Variants in TRIM25 observed in about 807,000 individuals in gnomAD.
The protein encoded by TRIM25 is E3 ubiquitin/ISG15 ligase TRIM25.
A neutral mutation model predicts 65.2 loss-of-function variants in TRIM25; 45 were observed. That is an observed-to-expected ratio of 0.69 (90% CI 0.54 to 0.89). The LOEUF (loss-of-function observed/expected upper bound fraction) is 0.89. TRIM25 is among the 40% of genes least tolerant of loss of function. TRIM25 has a pLI of 0.00. For synonymous variants in TRIM25, 321 were observed against 340.4 expected (o/e 0.94, Z 0.63); for missense variants, 714 against 803.7 (o/e 0.89, Z 1.35).
chr17:56,900,042 T>C (rs967332479), intron 4 of TRIM25, among the ~76,000 whole-genome samples: 2 of 152,160 alleles, frequency 1.3e-5, no homozygotes, highest in South Asian at 2.1e-4. Context: ...AGTGAAACCA[T>C]GTCTCTATTA....
chr17:56,894,668 T>A (rs750099684), intron 8 of TRIM25, among the ~76,000 whole-genome samples: 8 of 152,160 alleles, frequency 5.3e-5, no homozygotes, highest in Non-Finnish European at 8.8e-5. Context: ...GTGCTACAGA[T>A]AGGCAAGCCT....
chr17:56,913,899 GT>G lies in TRIM25; in HGVS notation c.89del (p.His30ProfsTer8). 6.4e-7 allele frequency: 1 copy of G among 1,567,636 alleles called. No homozygotes were observed. The highest frequency in any genetic ancestry group is 8.6e-7 in the Non-Finnish European group (1 of 1,156,636). On this transcript the variant is annotated frameshift_variant, in exon 1 of 9. Coordinates refer to ENST00000316881, the MANE Select transcript of TRIM25 (RefSeq NM_005082.5). LOFTEE classifies it high-confidence loss of function. This position sits in a 1 kb window ranked among gnomAD's most constrained non-coding sequence, Gnocchi z 6.1. Reference protein sequence around the residue: ...FKEPVTTPCGHNFCGSCLNET... With the variant: ...FKEPVTTPCGXNFCGSCLNET... Reference sequence around the variant, plus strand: ...CATTCAGGCACGACCCGCAGAAGTTGTGGCCGCACGGAGTGGTGACCGGCTC... The same window carrying G: ...CATTCAGGCACGACCCGCAGAAGTTGGGCCGCACGGAGTGGTGACCGGCTC...
chr17:56,911,286 A>AAT (rs1555606307), intron 1 of TRIM25, among the ~76,000 whole-genome samples: 1 of 151,658 alleles, frequency 6.6e-6, no homozygotes, highest in Non-Finnish European at 1.5e-5. Context: ...AAGATTAAAA[A>AAT]ATATATATAT....
intron 2 of TRIM25, 77 bp from the exon 3 acceptor site, chr17:56,904,565 T>C (rs2144358934): frequency 1.5e-6 from 2 of 1,344,766 alleles, no homozygotes; most frequent in East Asian, 2.3e-5. Flanking sequence ...ATGGGTGAGA[T>C]GTGGAGTTCC....
chr17:56,908,759 T>C (rs1231518695), intron 1 of TRIM25, 196 bp from the exon 2 acceptor site: 2 of 587,858 alleles, frequency 3.4e-6, no homozygotes, highest in African/African-American at 1.9e-5. Context: ...CTTCCCTTCA[T>C]CCTTTTCAGA....
chr17:56,897,502 C>T (rs1909318021), intron 5 of TRIM25, among the ~76,000 whole-genome samples: 1 of 152,126 alleles, frequency 6.6e-6, no homozygotes, highest in Non-Finnish European at 1.5e-5. Context: ...CCACCCACTC[C>T]CTGTGGACCA....
Position 56,901,585 on chromosome 17 carries a change from C to T in TRIM25, c.928-7G>A. On this transcript the variant is annotated splice_region_variant and splice_polypyrimidine_tract_variant and intron_variant, in intron 3 of 8. Coordinates refer to ENST00000316881, the MANE Select transcript of TRIM25 (RefSeq NM_005082.5). ...CTCGCAGTTTTGATGCTTTCTGGAA[C>T]ATGCCAGGGGGTTAGTGCAGGCAGC... The T allele has an allele frequency of 6.2e-7, 1 of 1,614,072 alleles. No individual in the cohort carries two copies. The highest frequency in any genetic ancestry group is 2.2e-5 in the East Asian group (1 of 44,882).
intron 3 of TRIM25, 43 bp from the exon 4 acceptor site, chr17:56,901,621 C>T (rs762578508): frequency 5.0e-5 from 81 of 1,610,086 alleles, no homozygotes; most frequent in Non-Finnish European, 1.5e-5. Context: ...TCTGGTGAAA[C>T]GGGGACCTGG....
In TRIM25 at chr17:56,891,866, C is replaced by G. The variant is rs760096757; in HGVS notation, c.1727G>C (p.Arg576Pro). Residue 576 changes from arginine to proline, a missense_variant, in exon 9 of 9, where the codon CGG becomes CCG. Physicochemically the swap from Arg to Pro is moderately radical, Grantham distance 103. This residue lies in a region of TRIM25 where 413 missense variants were observed against 498.2 expected (regional missense o/e 0.83). Transcript: ENST00000316881. Reference sequence around the variant, plus strand: ...GTCACAGTTGAGAAGCACGCCCACCCGCGTGGCCTTGGTGGAGGGCAGGGT... The same window carrying G: ...GTCACAGTTGAGAAGCACGCCCACCGGCGTGGCCTTGGTGGAGGGCAGGGT... ...EKTLPSTKAT[R>P]VGVLLNCDHG... is the part of the protein sequence containing the mutation. 1 of 1,614,240 alleles carries G rather than the reference C, an allele frequency of 6.2e-7. No homozygotes were observed. The highest frequency in any genetic ancestry group is 8.5e-7 in the Non-Finnish European group (1 of 1,180,044).
chr17:56,892,756 G>T (rs556234864), intron 8 of TRIM25, among the ~76,000 whole-genome samples: 2 of 152,104 alleles, frequency 1.3e-5, no homozygotes, highest in Non-Finnish European at 2.9e-5. Flanking sequence ...CATTTACCAG[G>T]CACCTGACTG....
chr17:56,894,890 T>C (rs556472180), intron 8 of TRIM25, among the ~76,000 whole-genome samples: 198 of 152,240 alleles, frequency 1.3e-3, no homozygotes, highest in African/African-American at 4.6e-3. Context: ...GTCTTTTTCG[T>C]GAAGCAGAAG....
chr17:56,891,991 G>A lies in TRIM25; in HGVS notation c.1602C>T (p.Asn534=), dbSNP rs539288584. 10 of 1,614,174 alleles carry A rather than the reference G, an allele frequency of 6.2e-6. No individual in the cohort carries two copies. The highest frequency in any genetic ancestry group is 5.5e-5 in the South Asian group (5 of 91,086). Residue 534 remains asparagine, a synonymous_variant, in exon 9 of 9, where the codon AAC becomes AAT. Transcript: ENST00000316881. ...CGAGCCTGCTTTCTGGGCCCTGCCG[G>A]TTCATGCTTCCGTAGCAGATGCCTA... ...CGVGICYGSM[N]RQGPESRLGR...
chr17:56,897,984 G>A (rs1909326880), intron 5 of TRIM25, among the ~76,000 whole-genome samples: 1 of 152,186 alleles, frequency 6.6e-6, no homozygotes, highest in Non-Finnish European at 1.5e-5. Flanking sequence ...TGAACACTAA[G>A]CACAAGCAAC....
At position 56,892,228 on chromosome 17, in the gene TRIM25, A is replaced by G. The variant is rs1172504950; in HGVS notation, c.1365T>C (p.Tyr455=). Residue 455 remains tyrosine, a splice_region_variant and synonymous_variant, in exon 9 of 9, where the codon TAT becomes TAC. Transcript: ENST00000316881. ...TGTAGTCCAGGATGACTTTAATGTA[A>G]TCTGAGAAAACATCACCCCAAGGAA... The part of the protein sequence containing the change: ...LAKSRPELLE[Y]YIKVILDYNT... 6.3e-7 allele frequency: 1 copy of G among 1,585,290 alleles called. No homozygotes were observed. Among genetic ancestry groups the G allele is most frequent in the East Asian group, 2.3e-5 (1 of 44,304 alleles).
chr17:56,904,048 A>T (rs1188311776), intron 3 of TRIM25, among the ~76,000 whole-genome samples: 1 of 151,896 alleles, frequency 6.6e-6, no homozygotes, highest in African/African-American at 2.4e-5. Context: ...AGCCAGAGAA[A>T]CTCTGAGAGA....
At chr17:56,912,468 G>A (rs966189082) in intron 1 of TRIM25, among the ~76,000 whole-genome samples, 3 of 152,238 alleles carry the variant, frequency 2.0e-5, no homozygotes, top group Admixed American at 1.3e-4. Flanking sequence ...TTACTGGGAC[G>A]CTGCCCACCC....
At chr17:56,903,957 AAAC>A (rs1909466110) in intron 3 of TRIM25, among the ~76,000 whole-genome samples, 1 of 152,166 alleles carries the variant, frequency 6.6e-6, no homozygotes, top group Non-Finnish European at 1.5e-5. Flanking sequence ...GCTCCAAAGG[AAAC>A]AGCCTGGCCA....
At chr17:56,892,626 C>T (rs528525356) in intron 8 of TRIM25, among the ~76,000 whole-genome samples, 12 of 152,292 alleles carry the variant, frequency 7.9e-5, no homozygotes, top group South Asian at 4.1e-4. Flanking sequence ...CCCATCTATC[C>T]ACCCATCCAT....
At chr17:56,901,353 A>G in intron 4 of TRIM25, 66 bp downstream of exon 4, 1 of 1,538,112 alleles carries the variant, frequency 6.5e-7, no homozygotes, top group East Asian at 2.3e-5. Context: ...CCATCCCAAA[A>G]CATTTAGGGG....
Sources: gnomAD v4.1 joint callset for allele counts (sites outside exome capture counted in the v4.1 genomes callset) on GRCh38, gnomAD v4.1.1 for gene constraint, gnomAD v4.1.1 regional missense constraint, Gnocchi (gnomAD v3.1) non-coding constraint, MANE v1.5 for transcripts, NCBI Gene and HGNC (gene_info 2026-07-23, HGNC 2026-07-21) for gene names.